Variants in ARHGAP32 observed in about 807,000 individuals in gnomAD.
ARHGAP32 encodes rho GTPase-activating protein 32.
ARHGAP32 carries 51 observed loss-of-function variants against 186.5 expected under a neutral mutation model. The observed-to-expected ratio is 0.27, with a 90% CI of 0.22 to 0.35. The LOEUF (loss-of-function observed/expected upper bound fraction) is 0.35, where lower values mean the gene tolerates loss of function less well. ARHGAP32 is among the 10% of genes least tolerant of loss of function. ARHGAP32 has a pLI of 1.00. For missense variants in ARHGAP32, 2,186 were observed against 2,623.5 expected (o/e 0.83, Z 3.64); for synonymous variants, 950 against 964.3 (o/e 0.99, Z 0.27).
Position 128,974,893 on chromosome 11 carries a change from C to T in ARHGAP32, c.2304G>A (p.Leu768=), listed in dbSNP as rs1475213563. 1 of 1,614,126 alleles carries T rather than the reference C, an allele frequency of 6.2e-7. No homozygotes were observed. The highest frequency in any genetic ancestry group is 1.1e-5 in the South Asian group (1 of 91,074). Residue 768 remains leucine (L), a synonymous_variant, in exon 21 of 23, where the codon CTG becomes CTA. Transcript: ENST00000682385. Reference sequence around the variant, plus strand: ...CCTCCTCACTCTCATTGTCATGAGGCAGATTATCATAGGAGTTACAGCGGT... The same window carrying T: ...CCTCCTCACTCTCATTGTCATGAGGTAGATTATCATAGGAGTTACAGCGGT... ...LGNRCNSYDN[L]PHDNESEEEG...
At chr11:129,213,502 A>ATT (rs1944608383) in intron 1 of ARHGAP32, among the ~76,000 whole-genome samples, 1 of 152,222 alleles carries the variant, frequency 6.6e-6, no homozygotes, top group African/African-American at 2.4e-5. Context: ...CCAAGATGTC[A>ATT]TCACAGTACC....
intron 11 of ARHGAP32, among the ~76,000 whole-genome samples, chr11:129,037,534 A>ACC (rs1352693992): frequency 6.6e-5 from 10 of 151,926 alleles, no homozygotes; most frequent in Non-Finnish European, 1.2e-4. Context: ...ATCTAAATAA[A>ACC]TGAAAAACAT....
At chr11:129,127,351 G>A (rs1020065025) in intron 2 of ARHGAP32, among the ~76,000 whole-genome samples, 1 of 152,068 alleles carries the variant, frequency 6.6e-6, no homozygotes, top group Non-Finnish European at 1.5e-5. Context: ...ACCAAACAAC[G>A]GTCCAAAAAG....
At chr11:129,202,624 C>T (rs1272778795) in intron 1 of ARHGAP32, among the ~76,000 whole-genome samples, 1 of 152,086 alleles carries the variant, frequency 6.6e-6, no homozygotes, top group Non-Finnish European at 1.5e-5. Flanking sequence ...ATTTATATAT[C>T]AGGAATTAAG....
rs557034180 is a variant in ARHGAP32, at chr11:129,030,585, G to A, written c.1045+10343C>T. ...TAACTAGTCTTAAAGAAAAAAAAAA[G>A]GTCTCAGCTTTAATGTATATCTGTT... On this transcript the variant is annotated intron_variant, in intron 11 of 22. Transcript: ENST00000682385. 3.1e-3 allele frequency: 464 copies of A among 151,760 alleles called. 4 individuals are homozygous for A. The highest frequency in any genetic ancestry group is 0.011 in the African/African-American group (451 of 41,424). 9.4% of individuals were successfully genotyped at this position (151,760 alleles called of 1,614,324 possible).
intron 1 of ARHGAP32, among the ~76,000 whole-genome samples, chr11:129,206,295 T>C (rs1260533860): frequency 6.6e-6 from 1 of 152,116 alleles, no homozygotes; most frequent in African/African-American, 2.4e-5. Flanking sequence ...CACTGCAGCA[T>C]CAACCTCGTG....
intron 10 of ARHGAP32, among the ~76,000 whole-genome samples, chr11:129,061,671 G>T (rs1296246342): frequency 6.6e-6 from 1 of 152,152 alleles, no homozygotes; most frequent in African/African-American, 2.4e-5. Flanking sequence ...TCCGGGGTGG[G>T]ACAGAGAGAG....
intron 2 of ARHGAP32, among the ~76,000 whole-genome samples, chr11:129,138,045 A>C (rs1942971880): frequency 6.6e-6 from 1 of 152,068 alleles, no homozygotes; most frequent in Non-Finnish European, 1.5e-5. Flanking sequence ...TTTATAGATA[A>C]AAGAAAACTG....
chr11:129,142,670 T>C (rs1427376611), intron 2 of ARHGAP32, among the ~76,000 whole-genome samples: 2 of 151,932 alleles, frequency 1.3e-5, no homozygotes, highest in Non-Finnish European at 2.9e-5. Context: ...CAATCAGTGT[T>C]AAGTATATGC....
chr11:129,223,934 G>A (rs566009830), intron 1 of ARHGAP32, among the ~76,000 whole-genome samples: 48 of 152,162 alleles, frequency 3.2e-4, no homozygotes, highest in Admixed American at 2.7e-3. Context: ...TAAATATGAA[G>A]AAGCAGTACC....
At chr11:129,158,967 TA>T (rs1244030288) in intron 2 of ARHGAP32, among the ~76,000 whole-genome samples, 2 of 152,124 alleles carry the variant, frequency 1.3e-5, no homozygotes, top group African/African-American at 4.8e-5. Flanking sequence ...ACTGGGTAAA[TA>T]ATGCAATTAA....
intron 9 of ARHGAP32, 104 bp downstream of exon 9, chr11:129,063,798 G>T: frequency 7.8e-7 from 1 of 1,289,862 alleles, no homozygotes; most frequent in Non-Finnish European, 1.0e-6. Context: ...AAAACCTGGT[G>T]CTTTTCATTT....
chr11:129,046,972 C>A (rs1692188789), intron 10 of ARHGAP32, among the ~76,000 whole-genome samples: 1 of 151,564 alleles, frequency 6.6e-6, no homozygotes, highest in African/African-American at 2.4e-5. Flanking sequence ...AAAAAAAATA[C>A]AAAAAATTAG....
chr11:128,975,027 A>G (rs1417025630), intron 20 of ARHGAP32, 25 bp from the exon 21 acceptor site: 1 of 1,576,930 alleles, frequency 6.3e-7, no homozygotes, highest in Non-Finnish European at 8.6e-7. Context: ...TAACAGTGTC[A>G]AAGTAAGAAC....
chr11:129,146,746 T>G (rs946493788), intron 2 of ARHGAP32, among the ~76,000 whole-genome samples: 26 of 152,144 alleles, frequency 1.7e-4, no homozygotes, highest in African/African-American at 5.8e-4. Flanking sequence ...CTCCTTAAAT[T>G]TTTAAGTTCC....
intron 2 of ARHGAP32, among the ~76,000 whole-genome samples, chr11:129,139,968 A>G (rs1433093692): frequency 6.6e-6 from 1 of 152,208 alleles, no homozygotes; most frequent in Non-Finnish European, 1.5e-5. Context: ...CAATCTAGGT[A>G]CTGCTGAGAA....
At chr11:129,161,566 A>G (rs1943530637) in intron 2 of ARHGAP32, among the ~76,000 whole-genome samples, 1 of 152,238 alleles carries the variant, frequency 6.6e-6, no homozygotes, top group Admixed American at 6.5e-5. Flanking sequence ...AATACTAGTC[A>G]TCAGAGACAT....
Position 128,974,630 on chromosome 11 carries a change from T to G in ARHGAP32, c.2567A>C (p.Gln856Pro). The change falls in exon 21 of 23, where the codon CAA becomes CCA. Residue 856 changes from glutamine (Q) to proline (P), a missense_variant. Coordinates refer to ENST00000682385, the MANE Select transcript of ARHGAP32 (RefSeq NM_001378024.1). ...NKKDAETGSS[Q>P]CQTPGSTASS... Reference sequence around the variant, plus strand: ...TGCTGTGCTTCCTGGAGTCTGACATTGGCTACTACCTGTTTCTGCATCCTT... The same window carrying G: ...TGCTGTGCTTCCTGGAGTCTGACATGGGCTACTACCTGTTTCTGCATCCTT... 1 of 1,614,194 alleles carries G rather than the reference T, an allele frequency of 6.2e-7. No individual in the cohort carries two copies. Among genetic ancestry groups the G allele is most frequent in the Non-Finnish European group, 8.5e-7 (1 of 1,180,032 alleles).
intron 1 of ARHGAP32, among the ~76,000 whole-genome samples, chr11:129,258,161 G>T (rs766616456): frequency 2.6e-5 from 4 of 152,122 alleles, no homozygotes; most frequent in Non-Finnish European, 2.9e-5. Flanking sequence ...GTTCTATGCT[G>T]TGCTATGGTT....
Sources: gnomAD v4.1 joint callset for allele counts (sites outside exome capture counted in the v4.1 genomes callset) on GRCh38, gnomAD v4.1.1 for gene constraint, MANE v1.5 for transcripts, NCBI Gene and HGNC (gene_info 2026-07-23, HGNC 2026-07-21) for gene names.